Variants in EYS observed in about 807,000 individuals in gnomAD.
EYS encodes protein eyes shut homolog.
Under a neutral mutation model 282.1 loss-of-function variants are expected in EYS, and 250 were observed. The observed-to-expected ratio is 0.89, with a 90% confidence interval of 0.80 to 0.98. EYS has a LOEUF of 0.98. EYS is among the 50% of genes least tolerant of loss of function. EYS has a pLI of 0.00. For missense variants in EYS, 4,016 were observed against 3,709.0 expected (o/e 1.08, Z -2.15); for synonymous variants, 1,355 against 1,282.9 (o/e 1.06, Z -1.20).
At chr6:64,610,836 A>G (rs1231382482) in intron 24 of EYS, among the ~76,000 whole-genome samples, 1 of 152,054 alleles carries the variant, frequency 6.6e-6, no homozygotes, top group Non-Finnish European at 1.5e-5. Context: ...TAATACAGAA[A>G]ACTTCCTCTT....
intron 11 of EYS, chr6:65,331,047 C>T (rs1181115451): frequency 1.0e-6 from 1 of 984,136 alleles, no homozygotes; most frequent in African/African-American, 1.8e-5. Context: ...TAAAGGCACC[C>T]ATATGTGTTA....
At position 65,141,628 on chromosome 6, in the gene EYS, AGTCT is replaced by A. The variant is rs199567931; in HGVS notation, c.2024-83905_2024-83902del. On this transcript the variant is annotated intron_variant, in intron 12 of 42. Coordinates refer to ENST00000503581, the MANE Select transcript of EYS (RefSeq NM_001142800.2). ...CTATTCAAACTGAAGTCAGTGAGTC[AGTCT>A]GTCTGTCTGTCTGTCTGTCTATCTA... is the stretch of plus-strand genomic sequence containing the variant. Among the ~76,000 whole-genome samples the A allele has an allele frequency of 5.2e-3, 623 of 120,226 alleles. 6 individuals are homozygous for A. The highest frequency in any genetic ancestry group is 0.018 in the African/African-American group (532 of 30,262). 78.9% of individuals were successfully genotyped at this position (120,226 alleles called of 152,430 possible). A position where few individuals can be genotyped will look rare whatever the true frequency, so the allele number is the denominator to read the frequency against.
chr6:64,151,302 T>A (rs1249770170), intron 31 of EYS, among the ~76,000 whole-genome samples: 63 of 113,188 alleles, frequency 5.6e-4, no homozygotes, highest in African/African-American at 2.3e-3. Context: ...TTTTCACACG[T>A]GTGTGTGTGT....
intron 22 of EYS, among the ~76,000 whole-genome samples, chr6:64,645,354 C>T (rs556021193): frequency 1.6e-4 from 25 of 152,288 alleles, no homozygotes; most frequent in African/African-American, 6.0e-4. Context: ...AGACAAATCA[C>T]AATATTGAAT....
intron 12 of EYS, among the ~76,000 whole-genome samples, chr6:65,226,994 G>A (rs1418342044): frequency 6.6e-6 from 1 of 152,058 alleles, no homozygotes; most frequent in Non-Finnish European, 1.5e-5. Flanking sequence ...CAGCACTTTG[G>A]GAGGCCGAGG....
At chr6:65,091,730 C>T (rs986014288) in intron 12 of EYS, among the ~76,000 whole-genome samples, 1 of 152,062 alleles carries the variant, frequency 6.6e-6, no homozygotes, top group African/African-American at 2.4e-5. Flanking sequence ...ACATCCAGTA[C>T]AGCACGACAC....
chr6:63,778,101 A>C lies in EYS; in HGVS notation c.7803T>G (p.Asn2601Lys). 6.4e-7 allele frequency: 1 copy of C among 1,551,788 alleles called. No homozygotes were observed. Among genetic ancestry groups the C allele is most frequent in the Non-Finnish European group, 8.7e-7 (1 of 1,146,956 alleles). The change falls in exon 40 of 43, where the codon AAT becomes AAG. Residue 2601 changes from asparagine (N) to lysine (K), a missense_variant. Coordinates refer to ENST00000503581, the MANE Select transcript of EYS (RefSeq NM_001142800.2). ...GACACTGGCCAACACTGCGTCCAGC[A>C]TTTGGGTGGCCCTCAGGATTTCCCA... ...RGLGNPEGHP[N>K]AGRSVGQCHA...
intron 12 of EYS, among the ~76,000 whole-genome samples, chr6:65,147,109 A>G (rs1330604597): frequency 6.6e-6 from 1 of 152,008 alleles, no homozygotes; most frequent in Non-Finnish European, 1.5e-5. Context: ...TATTTTTGGT[A>G]AAAATTGATT....
chr6:65,031,751 T>C (rs1371855148), intron 13 of EYS, among the ~76,000 whole-genome samples: 1 of 152,026 alleles, frequency 6.6e-6, no homozygotes, highest in South Asian at 2.1e-4. Context: ...GCAAAGTTTA[T>C]AGCACTAAAG....
At chr6:65,277,315 C>G (rs1768075062) in intron 12 of EYS, among the ~76,000 whole-genome samples, 1 of 151,950 alleles carries the variant, frequency 6.6e-6, no homozygotes, top group African/African-American at 2.4e-5. Context: ...AACCTGTAGT[C>G]CCAGCTACTC....
intron 24 of EYS, among the ~76,000 whole-genome samples, chr6:64,593,996 A>G (rs757075769): frequency 9.2e-5 from 14 of 152,200 alleles, no homozygotes; most frequent in Non-Finnish European, 1.6e-4. Flanking sequence ...TAATATTTCA[A>G]AATGATTTTA....
intron 32 of EYS, among the ~76,000 whole-genome samples, chr6:64,072,556 AAACACAAAACTGCACCAGC>A (rs1771621970): frequency 6.6e-6 from 1 of 151,794 alleles, no homozygotes; most frequent in Non-Finnish European, 1.5e-5. Context: ...GCATATTTAG[AAACACAAAACTGCACCAGC>A]ACTTGTGTGT....
intron 34 of EYS, among the ~76,000 whole-genome samples, chr6:63,993,079 G>A (rs1446806524): frequency 6.6e-6 from 1 of 151,722 alleles, no homozygotes; most frequent in Non-Finnish European, 1.5e-5. Context: ...CAAACTGGAA[G>A]ATAACAATCA....
chr6:63,845,084 C>A (rs1772063988), intron 36 of EYS, among the ~76,000 whole-genome samples: 2 of 152,130 alleles, frequency 1.3e-5, no homozygotes, highest in East Asian at 3.9e-4. Flanking sequence ...ATTTGGGTGG[C>A]CATGAACTGT....
intron 1 of EYS, among the ~76,000 whole-genome samples, chr6:65,641,652 T>C (rs1320639410): frequency 6.6e-6 from 1 of 152,252 alleles, no homozygotes; most frequent in Non-Finnish European, 1.5e-5. Flanking sequence ...CGTACTGTTT[T>C]ACTGCACTCT....
At chr6:65,454,796 T>C (rs1362433716) in intron 5 of EYS, among the ~76,000 whole-genome samples, 1 of 152,092 alleles carries the variant, frequency 6.6e-6, no homozygotes, top group Non-Finnish European at 1.5e-5. Context: ...CTTACCTTTG[T>C]TGAAAATCAG....
intron 1 of EYS, among the ~76,000 whole-genome samples, chr6:65,696,757 G>C (rs1002102297): frequency 6.6e-6 from 1 of 151,912 alleles, no homozygotes; most frequent in Non-Finnish European, 1.5e-5. Context: ...GATCACTTAA[G>C]CCATTGTAAA....
chr6:65,476,664 C>A (rs1218204375), intron 5 of EYS, among the ~76,000 whole-genome samples: 1 of 152,074 alleles, frequency 6.6e-6, no homozygotes, highest in African/African-American at 2.4e-5. Context: ...GCAACCTCCA[C>A]CTCCCAGGAT....
chr6:65,301,028 G>A (rs1040404329), intron 11 of EYS: 5 of 152,082 alleles, frequency 3.3e-5, no homozygotes, highest in African/African-American at 9.7e-5. Context: ...GCTTTACCAT[G>A]GTCCCACCCT....
Sources: gnomAD v4.1 joint callset for allele counts (sites outside exome capture counted in the v4.1 genomes callset) on GRCh38, gnomAD v4.1.1 for gene constraint, MANE v1.5 for transcripts, NCBI Gene and HGNC (gene_info 2026-07-23, HGNC 2026-07-21) for gene names.